The following PLEKHA7 variants were observed in gnomAD, a reference collection of about 807,000 sequenced individuals.
PLEKHA7 encodes the protein pleckstrin homology domain-containing family A member 7.
A neutral mutation model predicts 170.0 loss-of-function variants in PLEKHA7; 104 were observed. The ratio of observed to expected loss-of-function variants is 0.61; its 90% CI spans 0.52 to 0.72. PLEKHA7 has a LOEUF of 0.72. Ranked by LOEUF, PLEKHA7 falls within the 30% of genes least tolerant of loss-of-function variation. The pLI is 0.00. For missense variants in PLEKHA7, 1,615 were observed against 1,671.7 expected (o/e 0.97, Z 0.59); for synonymous variants, 648 against 660.8 (o/e 0.98, Z 0.30).
At chr11:16,826,673 C>T in intron 9 of PLEKHA7, 83 bp from the exon 10 acceptor site, 2 of 1,247,164 alleles carry the variant, frequency 1.6e-6, no homozygotes, top group Non-Finnish European at 2.3e-6. Context: ...CACCTGCAGG[C>T]CTTTGCACAG....
chr11:16,990,270 TC>T (rs1437943105), intron 3 of PLEKHA7, among the ~76,000 whole-genome samples: 1 of 41,832 alleles, frequency 2.4e-5, no homozygotes, highest in South Asian at 8.4e-4. Context: ...CAAGACCCTG[TC>T]TCAAAAAAAA....
chr11:16,799,428 G>T (rs1393864335), intron 17 of PLEKHA7, among the ~76,000 whole-genome samples: 1 of 152,154 alleles, frequency 6.6e-6, no homozygotes, highest in Non-Finnish European at 1.5e-5. Flanking sequence ...AGGGAGAGGG[G>T]GAAGAGGAAC....
chr11:16,804,142 G>C (rs1158078629), intron 13 of PLEKHA7, among the ~76,000 whole-genome samples: 2 of 152,096 alleles, frequency 1.3e-5, no homozygotes, highest in Non-Finnish European at 2.9e-5. Flanking sequence ...GGGGCTGAGG[G>C]GAGTGACTTT....
chr11:16,812,454 G>C (rs1324965940), intron 13 of PLEKHA7: 2 of 152,250 alleles, frequency 1.3e-5, no homozygotes, highest in Non-Finnish European at 2.9e-5. Context: ...TCTATTTCAT[G>C]GCTCAGGCGT....
Position 16,889,419 on chromosome 11 carries a change from A to AT in PLEKHA7, c.222-18238_222-18237insA, listed in dbSNP as rs58296937. On this transcript the variant is annotated intron_variant, in intron 3 of 26. Coordinates refer to ENST00000531066, the MANE Select transcript of PLEKHA7 (RefSeq NM_001329630.2). Reference sequence around the variant, plus strand: ...ATTGCTCAAAAAAAAAAAAAAAAAAAAATATATATATATATATATATATAT... The same window carrying AT: ...ATTGCTCAAAAAAAAAAAAAAAAAAATAATATATATATATATATATATATAT... Among the ~76,000 whole-genome samples, 760 of 106,296 alleles carry AT rather than the reference A, an allele frequency of 7.1e-3. 1 individual carries two copies. The highest frequency in any genetic ancestry group is 0.013 in the Middle Eastern group (3 of 238). The allele number at this position is 106,296 out of a possible 152,430, so 69.7% of individuals were successfully genotyped here.
chr11:16,960,262 T>C (rs1376774899), intron 3 of PLEKHA7, among the ~76,000 whole-genome samples: 2 of 152,096 alleles, frequency 1.3e-5, no homozygotes, highest in Non-Finnish European at 2.9e-5. Context: ...AGTCCAGGAC[T>C]CAAGTCCCAC....
intron 3 of PLEKHA7, among the ~76,000 whole-genome samples, chr11:16,939,679 A>C (rs966527177): frequency 2.6e-5 from 4 of 152,196 alleles, no homozygotes; most frequent in Non-Finnish European, 5.9e-5. Flanking sequence ...TCACAAAGTA[A>C]ATCATTCAGG....
intron 3 of PLEKHA7, among the ~76,000 whole-genome samples, chr11:16,909,883 C>T (rs919630563): frequency 2.6e-5 from 4 of 152,070 alleles, no homozygotes; most frequent in Non-Finnish European, 4.4e-5. Context: ...GACAGCCCTT[C>T]GGAAACCTCA....
At chr11:16,891,070 CTCTAT>C (rs147769098) in intron 3 of PLEKHA7, among the ~76,000 whole-genome samples, 62 of 149,904 alleles carry the variant, frequency 4.1e-4, no homozygotes, top group Non-Finnish European at 2.7e-4. Flanking sequence ...GACTATTATT[CTCTAT>C]TCTATTCTAT....
At chr11:17,013,163 C>T (rs80221593) in intron 3 of PLEKHA7, 5,081 of 152,484 alleles carry the variant, frequency 0.033, 211 homozygotes, top group African/African-American at 0.09. Context: ...GAGGGAAACA[C>T]GCTGCAACAC....
At chr11:16,876,657 A>T (rs1394182079) in intron 3 of PLEKHA7, among the ~76,000 whole-genome samples, 1 of 152,232 alleles carries the variant, frequency 6.6e-6, no homozygotes, top group Non-Finnish European at 1.5e-5. Context: ...TAAGAGAATA[A>T]AGTGAGGACC....
At chr11:16,811,912 T>C (rs1312021978) in intron 13 of PLEKHA7, among the ~76,000 whole-genome samples, 1 of 152,182 alleles carries the variant, frequency 6.6e-6, no homozygotes, top group Non-Finnish European at 1.5e-5. Flanking sequence ...CCAGCACCCC[T>C]GGCTCTTCAA....
At chr11:16,894,909 C>G (rs1169427570) in intron 3 of PLEKHA7, among the ~76,000 whole-genome samples, 1 of 152,134 alleles carries the variant, frequency 6.6e-6, no homozygotes, top group Non-Finnish European at 1.5e-5. Flanking sequence ...ACTCTGCAGG[C>G]ATTATCTCAT....
In PLEKHA7 at chr11:17,006,646, G is replaced by GAAA. The variant is rs1413412969; in HGVS notation, c.221+7342_221+7343insTTT. Among the ~76,000 whole-genome samples the GAAA allele has an allele frequency of 3.9e-5, 5 of 126,746 alleles. No individual in the cohort carries two copies. The East Asian group carries it at 1.3e-3, about 34-fold the overall frequency. The allele number at this position is 126,746 out of a possible 152,430, so 83.2% of individuals were successfully genotyped here. ...AGTCTCAAAAAAAAAAAAAAAGGAAGATGATATATAAGTGAATCAATAGGT... is the reference window on the plus strand; with the variant it reads ...AGTCTCAAAAAAAAAAAAAAAGGAAGAAAATGATATATAAGTGAATCAATAGGT... On this transcript the variant is annotated intron_variant, in intron 3 of 26. Transcript: ENST00000531066.
At chr11:16,992,857 A>C (rs779986837) in intron 3 of PLEKHA7, among the ~76,000 whole-genome samples, 6 of 152,164 alleles carry the variant, frequency 3.9e-5, no homozygotes, top group Non-Finnish European at 7.3e-5. Context: ...CATCTACAAA[A>C]TGCGAAGAAT....
At chr11:16,839,413 T>C (rs1851780980) in intron 9 of PLEKHA7, among the ~76,000 whole-genome samples, 2 of 149,776 alleles carry the variant, frequency 1.3e-5, no homozygotes, top group South Asian at 2.1e-4. Context: ...ATTTATTATA[T>C]AGTTAAATAT....
chr11:16,929,038 T>C (rs1011767701), intron 3 of PLEKHA7, among the ~76,000 whole-genome samples: 6 of 152,314 alleles, frequency 3.9e-5, no homozygotes, highest in African/African-American at 9.6e-5. Context: ...AATAAACATA[T>C]AGTACTTTGG....
At chr11:16,918,839 T>C (rs1191637553) in intron 3 of PLEKHA7, among the ~76,000 whole-genome samples, 2 of 152,176 alleles carry the variant, frequency 1.3e-5, no homozygotes, top group Non-Finnish European at 2.9e-5. Context: ...ATGATGACTT[T>C]GATGTTCTAG....
chr11:16,922,469 A>G (rs1365006685), intron 3 of PLEKHA7, among the ~76,000 whole-genome samples: 1 of 152,190 alleles, frequency 6.6e-6, no homozygotes, highest in Non-Finnish European at 1.5e-5. Flanking sequence ...AAATTGCCAC[A>G]CTGCTTCAAT....
Sources: gnomAD v4.1 joint callset for allele counts (sites outside exome capture counted in the v4.1 genomes callset) on GRCh38, gnomAD v4.1.1 for gene constraint, MANE v1.5 for transcripts, NCBI Gene and HGNC (gene_info 2026-07-23, HGNC 2026-07-21) for gene names.